TNS3: variants seen among roughly 807,000 people sequenced by gnomAD.
The protein encoded by TNS3 is tensin 3, also known as tensin-3.
TNS3 carries 45 observed loss-of-function variants against 140.9 expected under a neutral mutation model. The ratio of observed to expected loss-of-function variants is 0.32; its 90% CI spans 0.25 to 0.41. The LOEUF is 0.41. Among genes scored for constraint, TNS3 ranks in the 10% least tolerant of loss-of-function variants. The pLI, the probability that TNS3 is intolerant of heterozygous loss-of-function variation, is 1.00. For missense variants in TNS3, 1,716 were observed against 1,906.7 expected (o/e 0.90, Z 1.86); for synonymous variants, 815 against 788.4 (o/e 1.03, Z -0.56).
chr7:47,353,746 C>A (rs990889975), intron 17 of TNS3, among the ~76,000 whole-genome samples: 2 of 152,124 alleles, frequency 1.3e-5, no homozygotes, highest in Admixed American at 6.5e-5. Context: ...CACAGCCCAG[C>A]ACCCCTCCTC....
At chr7:47,306,508 C>T (rs1459859402) in intron 20 of TNS3, among the ~76,000 whole-genome samples, 1 of 152,152 alleles carries the variant, frequency 6.6e-6, no homozygotes, top group East Asian at 1.9e-4. Context: ...GGTCACACGT[C>T]ATTTCAATAT....
rs1784873124 is a variant in TNS3, at chr7:47,276,441, C to T, written c.*1635G>A. On this transcript the variant is annotated 3_prime_UTR_variant, in exon 31 of 31. Transcript: ENST00000311160. The stretch of plus-strand genomic sequence containing the variant: ...AGTTCACAAAGCACATTCCCAAACC[C>T]CAGCTCCCTGACAGGAGCTTGTGAC... 6.6e-6 allele frequency: 1 copy of T among 152,266 alleles called. No individual in the cohort carries two copies. Among genetic ancestry groups the T allele is most frequent in the African/African-American group, 2.4e-5 (1 of 41,444 alleles). The allele number at this position is 152,266 out of a possible 1,614,324, so 9.4% of individuals were successfully genotyped here. A position where few individuals can be genotyped will look rare whatever the true frequency, so the allele number is the denominator to read the frequency against.
At chr7:47,493,827 C>CAAA (rs773516399) in intron 3 of TNS3, among the ~76,000 whole-genome samples, 1 of 114,292 alleles carries the variant, frequency 8.7e-6, no homozygotes, top group Non-Finnish European at 1.8e-5. Context: ...GACTCCGTCT[C>CAAA]AAAAAAAAAA....
intron 16 of TNS3, among the ~76,000 whole-genome samples, chr7:47,389,087 G>A (rs1792315873): frequency 1.3e-5 from 1 of 74,796 alleles, no homozygotes; most frequent in Admixed American, 1.6e-4. Context: ...AGAAGAAGAG[G>A]AAGAGGAAGA....
At chr7:47,330,331 T>G (rs1436039520) in intron 20 of TNS3, among the ~76,000 whole-genome samples, 1 of 152,154 alleles carries the variant, frequency 6.6e-6, no homozygotes, top group Non-Finnish European at 1.5e-5. Context: ...CAGCTCCCAC[T>G]CTGCGGGCTC....
At chr7:47,379,377 T>C (rs1330410843) in intron 16 of TNS3, among the ~76,000 whole-genome samples, 1 of 152,260 alleles carries the variant, frequency 6.6e-6, no homozygotes, top group Non-Finnish European at 1.5e-5. Context: ...CAAGGTCTGC[T>C]TTAATTTTAT....
chr7:47,478,956 G>C (rs199769429), intron 4 of TNS3, among the ~76,000 whole-genome samples: 3 of 140,136 alleles, frequency 2.1e-5, no homozygotes, highest in East Asian at 2.2e-4. Flanking sequence ...CACACACACA[G>C]AGCAGCAGCA....
intron 16 of TNS3, among the ~76,000 whole-genome samples, chr7:47,394,428 G>C (rs1792709196): frequency 6.6e-6 from 1 of 152,210 alleles, no homozygotes; most frequent in African/African-American, 2.4e-5. Context: ...CGCCAGGCTG[G>C]CTGCCTGATC....
At chr7:47,422,662 T>C (rs1343307367) in intron 10 of TNS3, among the ~76,000 whole-genome samples, 1 of 151,926 alleles carries the variant, frequency 6.6e-6, no homozygotes, top group Non-Finnish European at 1.5e-5. Context: ...ATCTTCCCCC[T>C]TTTTCCATAT....
chr7:47,332,308 A>G (rs1040284771), intron 20 of TNS3, among the ~76,000 whole-genome samples: 2 of 152,270 alleles, frequency 1.3e-5, no homozygotes, highest in Non-Finnish European at 2.9e-5. Flanking sequence ...AAGGGATACC[A>G]GGTAAATGCT....
chr7:47,292,910 A>G lies in TNS3; in HGVS notation c.3773-5T>C. ...ACACCAAGGCCGTCAGGCTCCCTGC[A>G]AAGTGGACAGACAGCAAACAAGAGT... On this transcript the variant is annotated splice_polypyrimidine_tract_variant and splice_region_variant and intron_variant, in intron 25 of 30. Transcript: ENST00000311160. 1.2e-6 allele frequency: 2 copies of G among 1,613,932 alleles called. No individual in the cohort carries two copies. Among genetic ancestry groups the G allele is most frequent in the East Asian group, 2.2e-5 (1 of 44,888 alleles).
chr7:47,426,031 A>C (rs1007080880), intron 9 of TNS3, among the ~76,000 whole-genome samples: 1 of 151,222 alleles, frequency 6.6e-6, no homozygotes, highest in African/African-American at 2.5e-5. Flanking sequence ...CAAAAAAAAA[A>C]CACACACTTA....
At chr7:47,449,433 G>C (rs140948174) in intron 4 of TNS3, among the ~76,000 whole-genome samples, 95 of 152,206 alleles carry the variant, frequency 6.2e-4, no homozygotes, top group African/African-American at 2.2e-3. Flanking sequence ...CAGGTTCTTT[G>C]CACATACCAC....
intron 2 of TNS3, among the ~76,000 whole-genome samples, chr7:47,511,772 C>G (rs1394028401): frequency 6.6e-6 from 1 of 152,142 alleles, no homozygotes; most frequent in Non-Finnish European, 1.5e-5. Context: ...TCTGGAACCT[C>G]CCCCTCTGAG....
Position 47,283,679 on chromosome 7 carries a change from C to G in TNS3, c.4097+18G>C. 2.0e-6 allele frequency: 3 copies of G among 1,527,128 alleles called. No homozygotes were observed. The highest frequency in any genetic ancestry group is 2.6e-6 in the Non-Finnish European group (3 of 1,136,416). 94.6% of individuals were successfully genotyped at this position (1,527,128 alleles called of 1,614,324 possible). On this transcript the variant is annotated intron_variant, in intron 28 of 30. Transcript: ENST00000311160. ...CCCGCCCCTGCTGGACGGCTCCTGC[C>G]TCCCTCTAGGCACTCACTTCCTCTG... is the stretch of plus-strand genomic sequence containing the variant.
intron 20 of TNS3, among the ~76,000 whole-genome samples, chr7:47,336,657 T>C (rs890155085): frequency 2.0e-5 from 3 of 152,206 alleles, no homozygotes; most frequent in Admixed American, 2.0e-4. Context: ...GTGCCCATAA[T>C]ACCCTGTTTT....
At chr7:47,375,220 T>C (rs1445475913) in intron 16 of TNS3, among the ~76,000 whole-genome samples, 1 of 152,132 alleles carries the variant, frequency 6.6e-6, no homozygotes, top group Non-Finnish European at 1.5e-5. Flanking sequence ...AGGAGAACCT[T>C]TCCACATCTC....
chr7:47,428,580 G>A (rs995300361), intron 8 of TNS3, among the ~76,000 whole-genome samples: 1 of 152,208 alleles, frequency 6.6e-6, no homozygotes, highest in Non-Finnish European at 1.5e-5. Context: ...CACGCTGGGT[G>A]CAAACAGTAA....
intron 27 of TNS3, among the ~76,000 whole-genome samples, chr7:47,285,700 G>T (rs1785383301): frequency 6.6e-6 from 1 of 152,224 alleles, no homozygotes; most frequent in African/African-American, 2.4e-5. Flanking sequence ...TAACCTAGTG[G>T]TCCCGCTTCT....
Sources: allele counts gnomAD v4.1 joint callset (sites outside exome capture counted in the v4.1 genomes callset), GRCh38; gene constraint gnomAD v4.1.1; transcripts MANE v1.5; gene names NCBI Gene and HGNC (gene_info 2026-07-23, HGNC 2026-07-21).